The following MGARP variants were observed in gnomAD, a reference collection of about 807,000 sequenced individuals.
MGARP encodes mitochondria localized glutamic acid rich protein.
Under a neutral mutation model 11.0 loss-of-function variants are expected in MGARP, and 12 were observed. The observed-to-expected ratio is 1.09, with a 90% CI of 0.70 to 1.77. The LOEUF is 1.77. Ranked by LOEUF, MGARP falls within the 40% of genes most tolerant of loss-of-function variation. The pLI, the probability that MGARP is intolerant of heterozygous loss-of-function variation, is 0.00. For missense variants in MGARP, 283 were observed against 297.8 expected (o/e 0.95, Z 0.36); for synonymous variants, 110 against 115.4 (o/e 0.95, Z 0.30).
intron 2 of MGARP, among the ~76,000 whole-genome samples, chr4:139,270,609 A>G (rs1004291962): frequency 9.5e-5 from 7 of 73,528 alleles, no homozygotes; most frequent in African/African-American, 2.4e-4. Context: ...ACCGCGTCTG[A>G]AAAAAAAAAA....
In MGARP at chr4:139,266,585, C is replaced by A; in HGVS notation, c.*14G>T. On this transcript the variant is annotated 3_prime_UTR_variant, in exon 4 of 4. Transcript: ENST00000398955. ...CCTATGGCATTTGTTGCTGAAATGT[C>A]TACCGGCTGGAGATTAGCCTTGAGC... 1 of 1,605,660 alleles carries A rather than the reference C, an allele frequency of 6.2e-7. No individual in the cohort carries two copies. The highest frequency in any genetic ancestry group is 8.5e-7 in the Non-Finnish European group (1 of 1,175,858).
chr4:139,268,835 A>T, intron 2 of MGARP, 70 bp from the exon 3 acceptor site: 1 of 1,151,014 alleles, frequency 8.7e-7, no homozygotes, highest in Admixed American at 2.1e-5. Context: ...CCAAAGGTAC[A>T]CTCAAGTCTC....
rs182867955 is a variant in MGARP, at chr4:139,268,590, T to C, written c.280+82A>G. 408 of 909,404 alleles carry C rather than the reference T, an allele frequency of 4.5e-4. 2 individuals carry two copies. In the African/African-American group the frequency reaches 6.2e-3, roughly 14 times the overall value. The allele number at this position is 909,404 out of a possible 1,614,324, so 56.3% of individuals were successfully genotyped here. ...AGCTAGGAAAGAAGCCAAAAGCAAA[T>C]AGTGTTCATTGCTAGACTAAGTGGA... On this transcript the variant is annotated intron_variant, in intron 3 of 3. Coordinates refer to ENST00000398955, the MANE Select transcript of MGARP (RefSeq NM_032623.4).
chr4:139,268,826 C>A, intron 2 of MGARP, 61 bp from the exon 3 acceptor site: 1 of 1,229,678 alleles, frequency 8.1e-7, no homozygotes, highest in Non-Finnish European at 1.2e-6. Context: ...ACGCCACATC[C>A]AAAGGTACAC....
chr4:139,272,677 T>A (rs1310314440), intron 2 of MGARP, among the ~76,000 whole-genome samples: 1 of 149,990 alleles, frequency 6.7e-6, no homozygotes, highest in African/African-American at 2.5e-5. Flanking sequence ...CATCTCTTTA[T>A]TCATATTTCT....
At chr4:139,269,706 G>C (rs1744750216) in intron 2 of MGARP, among the ~76,000 whole-genome samples, 1 of 151,002 alleles carries the variant, frequency 6.6e-6, no homozygotes, top group Admixed American at 6.6e-5. Flanking sequence ...CAGACAAAAT[G>C]TGCAGGCTTC....
chr4:139,275,400 A>C lies in MGARP; in HGVS notation c.83-8T>G, dbSNP rs781311481. On this transcript the variant is annotated splice_region_variant and splice_polypyrimidine_tract_variant and intron_variant, in intron 1 of 3. Transcript: ENST00000398955. ...ACATCCGGCGCAGAGATGCTAGGAAAAAAATGTTTAAACACAGTTAGCTTC... is the reference window on the plus strand; with the variant it reads ...ACATCCGGCGCAGAGATGCTAGGAACAAAATGTTTAAACACAGTTAGCTTC... 6.2e-7 allele frequency: 1 copy of C among 1,608,290 alleles called. No individual in the cohort carries two copies. Among genetic ancestry groups the C allele is most frequent in the Non-Finnish European group, 8.5e-7 (1 of 1,176,328 alleles).
chr4:139,272,055 CTGTT>C (rs1246048059), intron 2 of MGARP, among the ~76,000 whole-genome samples: 2 of 140,868 alleles, frequency 1.4e-5, no homozygotes, highest in Non-Finnish European at 3.2e-5. Context: ...GTCTCAATCT[CTGTT>C]TTTTTTTTTT....
At position 139,280,090 on chromosome 4, in the gene MGARP, C is replaced by G. The variant is rs899007122; in HGVS notation, c.69G>C (p.Pro23=). ...CTCCTTACTCACCGTCCTTTCCGAG[C>G]GGCGCGGGGTTGGGGGGCGCCCTCA... ...LPLRAPPNPA[P]LGKDASLRRM... Residue 23 remains proline (P), a synonymous_variant, in exon 1 of 4, where the codon CCG becomes CCC. Transcript: ENST00000398955. 6.2e-7 allele frequency: 1 copy of G among 1,612,264 alleles called. No homozygotes were observed. Among genetic ancestry groups the G allele is most frequent in the Non-Finnish European group, 8.5e-7 (1 of 1,179,754 alleles).
intron 1 of MGARP, among the ~76,000 whole-genome samples, chr4:139,278,352 C>CAA (rs1421105397): frequency 1.3e-5 from 2 of 152,004 alleles, no homozygotes; most frequent in Non-Finnish European, 2.9e-5. Flanking sequence ...AAAGTATGAA[C>CAA]AAAAGGTTAA....
intron 2 of MGARP, among the ~76,000 whole-genome samples, chr4:139,274,150 GT>G (rs1383783565): frequency 2.6e-5 from 4 of 152,128 alleles, no homozygotes; most frequent in Admixed American, 2.0e-4. Flanking sequence ...GGAGAAATGA[GT>G]AGGTGGAGTA....
chr4:139,273,005 C>T (rs1744810234), intron 2 of MGARP, among the ~76,000 whole-genome samples: 1 of 151,864 alleles, frequency 6.6e-6, no homozygotes, highest in South Asian at 2.1e-4. Flanking sequence ...TTCCGTAGGT[C>T]CAAACCAAAA....
intron 1 of MGARP, among the ~76,000 whole-genome samples, chr4:139,279,183 C>G (rs1407305820): frequency 6.6e-6 from 1 of 152,178 alleles, no homozygotes; most frequent in Non-Finnish European, 1.5e-5. Flanking sequence ...GGGGCAGAAC[C>G]GCCCTGGAGC....
chr4:139,271,580 C>T (rs1444133527), intron 2 of MGARP, among the ~76,000 whole-genome samples: 7 of 152,034 alleles, frequency 4.6e-5, no homozygotes, highest in Admixed American at 2.6e-4. Flanking sequence ...CCCTAATAGT[C>T]GAGGATTTTG....
Position 139,270,654 on chromosome 4 carries a change from G to A in MGARP, c.187-1889C>T, listed in dbSNP as rs981937709. On this transcript the variant is annotated intron_variant, in intron 2 of 3. Coordinates refer to ENST00000398955, the MANE Select transcript of MGARP (RefSeq NM_032623.4). ...AAAAGAAAATCTATAATGTCGGGTA[G>A]AAGTGATGTAAAGTGACCCTTTTAT... Among the ~76,000 whole-genome samples, 9 of 150,426 alleles carry A rather than the reference G, an allele frequency of 6.0e-5. No individual in the cohort carries two copies. The East Asian group carries it at 1.7e-3, about 29-fold the overall frequency.
In MGARP at chr4:139,266,524, A is replaced by G; in HGVS notation, c.*75T>C. On this transcript the variant is annotated 3_prime_UTR_variant, in exon 4 of 4. Coordinates refer to ENST00000398955, the MANE Select transcript of MGARP (RefSeq NM_032623.4). ...AAATAAGTCTTTTTTTTTTTAAACT[A>G]AGTGTACTAAAAACACAAAAGCACT... 1.5e-6 allele frequency: 2 copies of G among 1,305,418 alleles called. No homozygotes were observed. Among genetic ancestry groups the G allele is most frequent in the African/African-American group, 1.5e-5 (1 of 66,946 alleles). 80.9% of individuals were successfully genotyped at this position (1,305,418 alleles called of 1,614,324 possible). A position where few individuals can be genotyped will look rare whatever the true frequency, so the allele number is the denominator to read the frequency against.
At chr4:139,279,109 A>G (rs1381803392) in intron 1 of MGARP, among the ~76,000 whole-genome samples, 2 of 152,150 alleles carry the variant, frequency 1.3e-5, no homozygotes, top group African/African-American at 4.8e-5. Flanking sequence ...ATTGTCTAAG[A>G]GCCGTCCCCC....
At chr4:139,267,210 G>A (rs1744712038) in intron 3 of MGARP, among the ~76,000 whole-genome samples, 169 bp from the exon 4 acceptor site, 1 of 152,184 alleles carries the variant, frequency 6.6e-6, no homozygotes, top group Non-Finnish European at 1.5e-5. Context: ...TATACAGTCT[G>A]CTACTATTGT....
At chr4:139,279,698 A>T (rs1744927016) in intron 1 of MGARP, among the ~76,000 whole-genome samples, 1 of 152,166 alleles carries the variant, frequency 6.6e-6, no homozygotes, top group African/African-American at 2.4e-5. Flanking sequence ...CTCTAACAAT[A>T]AAAGTGGTAA....
Sources: gnomAD v4.1 joint callset for allele counts (sites outside exome capture counted in the v4.1 genomes callset) on GRCh38, gnomAD v4.1.1 for gene constraint, MANE v1.5 for transcripts, NCBI Gene and HGNC (gene_info 2026-07-23, HGNC 2026-07-21) for gene names.